Variants in GABRG1 observed in about 807,000 individuals in gnomAD.
GABRG1 encodes gamma-aminobutyric acid type A receptor subunit gamma1, also known as gamma-aminobutyric acid receptor subunit gamma-1.
GABRG1 carries 49 observed loss-of-function variants against 49.8 expected under a neutral mutation model. The ratio of observed to expected loss-of-function variants is 0.98; its 90% CI spans 0.78 to 1.25. The LOEUF is 1.25. Ranked by LOEUF, GABRG1 falls within the 50% of genes most tolerant of loss-of-function variation. The pLI is 0.00. For missense variants in GABRG1, 552 were observed against 552.3 expected (o/e 1.00, Z 0.01); for synonymous variants, 232 against 185.1 (o/e 1.25, Z -2.06).
chr4:46,056,645 G>T (rs894774882), intron 7 of GABRG1, among the ~76,000 whole-genome samples: 1 of 151,942 alleles, frequency 6.6e-6, no homozygotes, highest in East Asian at 1.9e-4. Flanking sequence ...CCATAAACAC[G>T]AAGTTTTAAA....
In GABRG1 at chr4:46,036,715, C is replaced by T. The variant is rs1717542140; in HGVS notation, c.*4273G>A. 1 of 151,938 alleles carries T rather than the reference C, an allele frequency of 6.6e-6. No individual in the cohort carries two copies. The highest frequency in any genetic ancestry group is 2.4e-5 in the African/African-American group (1 of 41,420). The allele number at this position is 151,938 out of a possible 1,614,324, so 9.4% of individuals were successfully genotyped here. ...GTACGGATTTCATCCTCATATTAGC[C>T]ACTATAAGCTTATACGCCTAACTGG... On this transcript the variant is annotated 3_prime_UTR_variant, in exon 9 of 9. Transcript: ENST00000295452.
intron 2 of GABRG1, among the ~76,000 whole-genome samples, chr4:46,089,840 G>A (rs1386244535): frequency 1.3e-5 from 2 of 151,998 alleles, no homozygotes; most frequent in African/African-American, 2.4e-5. Flanking sequence ...TGGCACGCTT[G>A]TAGTACCAAT....
Position 46,039,888 on chromosome 4 carries a change from T to A in GABRG1, c.*1100A>T, listed in dbSNP as rs1487643322. 4 of 151,712 alleles carry A rather than the reference T, an allele frequency of 2.6e-5. No individual in the cohort carries two copies. Among genetic ancestry groups the A allele is most frequent in the Non-Finnish European group, 5.9e-5 (4 of 67,784 alleles). 9.4% of individuals were successfully genotyped at this position (151,712 alleles called of 1,614,324 possible). A position where few individuals can be genotyped will look rare whatever the true frequency, so the allele number is the denominator to read the frequency against. ...AAGAATATTATAATAATGTATAATG[T>A]AGTTGCAAAACTGACAGGGTCCAAA... On this transcript the variant is annotated 3_prime_UTR_variant, in exon 9 of 9. Coordinates refer to ENST00000295452, the MANE Select transcript of GABRG1 (RefSeq NM_173536.4).
chr4:46,042,400 C>T (rs994368624), intron 8 of GABRG1, among the ~76,000 whole-genome samples: 5 of 151,918 alleles, frequency 3.3e-5, no homozygotes, highest in African/African-American at 1.2e-4. Context: ...AGCAATTCTT[C>T]GTTTTTCAGA....
At chr4:46,089,960 C>T (rs953635540) in intron 2 of GABRG1, among the ~76,000 whole-genome samples, 1 of 151,656 alleles carries the variant, frequency 6.6e-6, no homozygotes, top group African/African-American at 2.4e-5. Context: ...TGAGACCATG[C>T]CTCAAAAAAA....
At chr4:46,058,167 A>G (rs1359758268) in intron 7 of GABRG1, 50 bp downstream of exon 7, 4 of 1,525,422 alleles carry the variant, frequency 2.6e-6, no homozygotes, top group Non-Finnish European at 3.5e-6. Context: ...TCACATCAAA[A>G]TGATTTTTTA....
At chr4:46,120,985 C>T (rs974388473) in intron 1 of GABRG1, among the ~76,000 whole-genome samples, 1 of 151,740 alleles carries the variant, frequency 6.6e-6, no homozygotes, top group East Asian at 1.9e-4. Flanking sequence ...TTCTAAAGAA[C>T]TTGTCAAGAT....
At chr4:46,104,557 A>G (rs567773993) in intron 1 of GABRG1, among the ~76,000 whole-genome samples, 1 of 151,570 alleles carries the variant, frequency 6.6e-6, no homozygotes, top group South Asian at 2.1e-4. Context: ...CCTTTTTCCA[A>G]TCTATTGGAT....
intron 1 of GABRG1, among the ~76,000 whole-genome samples, chr4:46,118,750 G>C (rs1269008830): frequency 6.6e-6 from 1 of 150,850 alleles, no homozygotes; most frequent in Non-Finnish European, 1.5e-5. Context: ...TTGAAACATG[G>C]GACTTCAGCT....
In GABRG1 at chr4:46,116,038, A is replaced by G. The variant is rs1720874592; in HGVS notation, c.104+7772T>C. The stretch of plus-strand genomic sequence containing the variant: ...TTTGATTGATTTTTAATAAAAGAAT[A>G]AATACTACAAATAAAACAGTATAGC... On this transcript the variant is annotated intron_variant, in intron 1 of 8. Transcript: ENST00000295452. Among the ~76,000 whole-genome samples the G allele has an allele frequency of 2.0e-5, 3 of 150,830 alleles. No individual in the cohort carries two copies. In the South Asian group the frequency reaches 6.2e-4, roughly 31 times the overall value.
intron 1 of GABRG1, among the ~76,000 whole-genome samples, chr4:46,123,501 G>A (rs1469847756): frequency 3.3e-5 from 5 of 151,902 alleles, no homozygotes; most frequent in African/African-American, 1.2e-4. Flanking sequence ...TAAATTTACT[G>A]GCAAAGTCAT....
intron 6 of GABRG1, 32 bp downstream of exon 6, chr4:46,058,453 G>T: frequency 6.2e-7 from 1 of 1,605,492 alleles, no homozygotes; most frequent in East Asian, 2.2e-5. Flanking sequence ...TTTAATGCTA[G>T]CATCATTTCA....
At chr4:46,096,237 A>T (rs1308617469) in intron 2 of GABRG1, among the ~76,000 whole-genome samples, 1 of 151,780 alleles carries the variant, frequency 6.6e-6, no homozygotes, top group Non-Finnish European at 1.5e-5. Flanking sequence ...AAAGGAGAAG[A>T]AAAAAAGAAA....
At chr4:46,098,681 A>G (rs1720273165) in intron 1 of GABRG1, among the ~76,000 whole-genome samples, 1 of 151,720 alleles carries the variant, frequency 6.6e-6, no homozygotes, top group African/African-American at 2.4e-5. Context: ...GAGAAATATT[A>G]CTGCTTTTGA....
intron 5 of GABRG1, among the ~76,000 whole-genome samples, chr4:46,060,116 C>T (rs1305163247): frequency 1.3e-5 from 2 of 152,042 alleles, no homozygotes; most frequent in Non-Finnish European, 2.9e-5. Flanking sequence ...TCTTTGAGGA[C>T]TTTTTGAACG....
chr4:46,089,452 G>A (rs1428562252), intron 2 of GABRG1, among the ~76,000 whole-genome samples: 1 of 151,934 alleles, frequency 6.6e-6, no homozygotes, highest in African/African-American at 2.4e-5. Context: ...TAGAAACATA[G>A]AAGAGATAAA....
At chr4:46,047,623 T>C (rs1718054385) in intron 8 of GABRG1, among the ~76,000 whole-genome samples, 2 of 151,994 alleles carry the variant, frequency 1.3e-5, no homozygotes, top group Non-Finnish European at 1.5e-5. Context: ...CAAGAACAGT[T>C]CCTTTAAAAA....
At chr4:46,089,517 C>T (rs918295336) in intron 2 of GABRG1, among the ~76,000 whole-genome samples, 1 of 152,086 alleles carries the variant, frequency 6.6e-6, no homozygotes, top group Non-Finnish European at 1.5e-5. Context: ...TCCTCTTACC[C>T]CCACAGTGTC....
chr4:46,108,080 A>G (rs1478991470), intron 1 of GABRG1, among the ~76,000 whole-genome samples: 3 of 151,214 alleles, frequency 2.0e-5, no homozygotes, highest in Admixed American at 1.3e-4. Context: ...AAAAATTATT[A>G]TATTAGTAAA....
Sources: gnomAD v4.1 joint callset for allele counts (sites outside exome capture counted in the v4.1 genomes callset) on GRCh38, gnomAD v4.1.1 for gene constraint, MANE v1.5 for transcripts, NCBI Gene and HGNC (gene_info 2026-07-23, HGNC 2026-07-21) for gene names.